The following SP110 variants were observed in gnomAD, a reference collection of about 807,000 sequenced individuals.
SP110 encodes SP110 nuclear body protein, also known as interferon-induced protein 41, 30kD.
In SP110, 62 loss-of-function variants were observed where a neutral mutation model predicts 92.7. The ratio of observed to expected loss-of-function variants is 0.67; its 90% CI spans 0.55 to 0.83. The LOEUF (loss-of-function observed/expected upper bound fraction) is 0.83, where lower values mean the gene tolerates loss of function less well. Ranked by LOEUF, SP110 falls within the 40% of genes least tolerant of loss-of-function variation. SP110 has a pLI of 0.00. For missense variants in SP110, 793 were observed against 863.9 expected, an observed-to-expected ratio of 0.92 and a Z score of 1.03; for synonymous variants, 273 against 305.3, an observed-to-expected ratio of 0.89 and a Z score of 1.10.
chr2:230,166,197 C>G lies in SP110; in HGVS notation c.*2927G>C, dbSNP rs1343233631. Among the ~76,000 whole-genome samples the G allele has an allele frequency of 6.6e-6, 1 of 152,080 alleles. No homozygotes were observed. The highest frequency in any genetic ancestry group is 1.5e-5 in the Non-Finnish European group (1 of 68,016). Reference sequence around the variant, plus strand: ...CTGAGCCACTGCGCCTGGCAGACCACCTATATTACTTTTAACCACAAATGA... The same window carrying G: ...CTGAGCCACTGCGCCTGGCAGACCAGCTATATTACTTTTAACCACAAATGA... On this transcript the variant is annotated 3_prime_UTR_variant, in exon 19 of 19. Coordinates refer to ENST00000258381, the MANE Select transcript of SP110 (RefSeq NM_080424.4).
At chr2:230,222,919 T>C (rs1292349568), upstream of SP110, among the ~76,000 whole-genome samples, 3 of 151,306 alleles carry the variant, frequency 2.0e-5, no homozygotes, top group Admixed American at 2.0e-4. Context: ...CTCATCATCA[T>C]GCTTTTGAGA....
Position 230,169,083 on chromosome 2 carries a change from G to T in SP110, c.*41C>A. The T allele has an allele frequency of 7.5e-7, 1 of 1,333,748 alleles. No individual in the cohort carries two copies. Among genetic ancestry groups the T allele is most frequent in the Non-Finnish European group, 1.1e-6 (1 of 924,714 alleles). 82.6% of individuals were successfully genotyped at this position (1,333,748 alleles called of 1,614,324 possible). On this transcript the variant is annotated 3_prime_UTR_variant, in exon 19 of 19. Transcript: ENST00000258381. ...AGTCCAAGCCAGGGTCCCATCAGCT[G>T]AATCCTGAGGTGGGGATGCTTCAGT...
At chr2:230,222,095 T>C (rs915096093), upstream of SP110, among the ~76,000 whole-genome samples, 3 of 152,142 alleles carry the variant, frequency 2.0e-5, no homozygotes, top group African/African-American at 7.2e-5. Context: ...CTGGGCGTGG[T>C]GGCACATGCC....
At chr2:230,216,652 G>T in intron 2 of SP110, 129 bp downstream of exon 2, 1 of 1,121,914 alleles carries the variant, frequency 8.9e-7, no homozygotes, top group Non-Finnish European at 1.3e-6. Flanking sequence ...CCCACCTTCT[G>T]TGATAATGAA....
chr2:230,203,503 C>G (rs886297559), intron 8 of SP110: 1 of 152,254 alleles, frequency 6.6e-6, no homozygotes, highest in African/African-American at 2.4e-5. Flanking sequence ...GGGGCGGAAG[C>G]GAAAGCCCGG....
intron 7 of SP110, among the ~76,000 whole-genome samples, chr2:230,209,158 A>G (rs1248048018): frequency 6.6e-6 from 1 of 152,240 alleles, no homozygotes; most frequent in Non-Finnish European, 1.5e-5. Flanking sequence ...ACAGGTATCA[A>G]AAAAGGAATT....
intron 9 of SP110, 34 bp from the exon 10 acceptor site, chr2:230,200,999 G>A (rs1372314667): frequency 6.6e-7 from 1 of 1,515,092 alleles, no homozygotes; most frequent in Non-Finnish European, 9.2e-7. Context: ...AATGCCCCTT[G>A]GGAAACACCA....
intron 10 of SP110, among the ~76,000 whole-genome samples, chr2:230,192,167 C>T (rs1467073689): frequency 6.6e-6 from 1 of 152,192 alleles, no homozygotes; most frequent in Non-Finnish European, 1.5e-5. Flanking sequence ...GACAAACCCA[C>T]AGCCAATATC....
At chr2:230,198,475 T>C (rs185931660) in intron 10 of SP110, among the ~76,000 whole-genome samples, 384 of 152,348 alleles carry the variant, frequency 2.5e-3, no homozygotes, top group Non-Finnish European at 3.7e-3. Flanking sequence ...TCTCCCTTTT[T>C]CTTTAGTAAT....
chr2:230,216,823 T>C lies in SP110; in HGVS notation c.105A>G (p.Glu35=). The C allele has an allele frequency of 6.2e-7, 1 of 1,614,112 alleles. No homozygotes were observed. Among genetic ancestry groups the C allele is most frequent in the Non-Finnish European group, 8.5e-7 (1 of 1,179,984 alleles). The change falls in exon 2 of 19, where the codon GAA becomes GAG. Residue 35 remains glutamate, a synonymous_variant. Coordinates refer to ENST00000258381, the MANE Select transcript of SP110 (RefSeq NM_080424.4). ...YAIHKPFPFF[E]GLLDNSIITK... ...TGATGATGGAGTTGTCTAGGAGGCC[T>C]TCAAAGAAGGGAAATGGCTTGTGTA...
intron 10 of SP110, among the ~76,000 whole-genome samples, chr2:230,194,763 A>C (rs1306379062): frequency 6.6e-6 from 1 of 152,216 alleles, no homozygotes; most frequent in Non-Finnish European, 1.5e-5. Context: ...CTCTGACCCT[A>C]GACAGGAAAC....
chr2:230,178,179 T>G lies in SP110; in HGVS notation c.1425A>C (p.Leu475Phe). The G allele has an allele frequency of 1.2e-6, 2 of 1,610,770 alleles. No individual in the cohort carries two copies. The highest frequency in any genetic ancestry group is 1.7e-6 in the Non-Finnish European group (2 of 1,177,038). Residue 475 changes from leucine (L) to phenylalanine (F), a missense_variant, in exon 13 of 19, where the codon TTA (leucine) becomes TTC (phenylalanine). Leu to Phe is a conservative substitution (Grantham distance 22, BLOSUM62 0). Transcript: ENST00000258381. ...PVTCGEAKGI[L>F]YKKKMKHGSS... is the part of the protein sequence containing the mutation. ...CACCGTGTTTCATTTTCTTCTTATA[T>G]AAAATCCCTTTCGCCTCACCACAGG... is the stretch of plus-strand genomic sequence containing the variant.
Position 230,216,862 on chromosome 2 carries a change from C to G in SP110, c.66G>C (p.Gly22=). ...ATGGCTTGTGTATGGCATAGGCGAT[C>G]CCCAGCTTCTGGTGCATGAAGTGCT... The part of the protein sequence containing the change: ...LFQHFMHQKL[G]IAYAIHKPFP... The change falls in exon 2 of 19, where the codon GGG becomes GGC. Residue 22 remains glycine, a synonymous_variant. Transcript: ENST00000258381. The G allele has an allele frequency of 6.2e-7, 1 of 1,613,998 alleles. No homozygotes were observed. Among genetic ancestry groups the G allele is most frequent in the Non-Finnish European group, 8.5e-7 (1 of 1,179,930 alleles).
At chr2:230,180,270 G>C (rs1378003788) in intron 12 of SP110, among the ~76,000 whole-genome samples, 1 of 152,102 alleles carries the variant, frequency 6.6e-6, no homozygotes. Context: ...ATAGCGGCAT[G>C]GTAAAAAACG....
chr2:230,203,096 T>A, intron 8 of SP110: 1 of 317,816 alleles, frequency 3.1e-6, no homozygotes, highest in South Asian at 3.0e-5. Context: ...CCTCTCCAGG[T>A]TCCCCCACGG....
chr2:230,169,739 A>G (rs1232585162), intron 18 of SP110, among the ~76,000 whole-genome samples: 1 of 152,184 alleles, frequency 6.6e-6, no homozygotes, highest in African/African-American at 2.4e-5. Context: ...CTGACAGGCG[A>G]TTTAGACTGA....
intron 1 of SP110, among the ~76,000 whole-genome samples, chr2:230,217,695 A>G (rs1010524208): frequency 1.3e-5 from 2 of 152,218 alleles, no homozygotes; most frequent in Admixed American, 6.5e-5. Context: ...AGAGAGTGGA[A>G]GAGCTGGGAG....
At chr2:230,206,607 A>C (rs2043863688) in intron 8 of SP110, among the ~76,000 whole-genome samples, 2 of 54,616 alleles carry the variant, frequency 3.7e-5, no homozygotes, top group Admixed American at 1.8e-4. Context: ...ATATATATAT[A>C]TATATATATA....
intron 8 of SP110, among the ~76,000 whole-genome samples, chr2:230,206,780 C>T (rs2043909261): frequency 6.6e-6 from 1 of 151,610 alleles, no homozygotes; most frequent in African/African-American, 2.4e-5. Context: ...CTTGCTTTCA[C>T]TTCCCCAGAA....
Sources: allele counts gnomAD v4.1 joint callset (sites outside exome capture counted in the v4.1 genomes callset), GRCh38; gene constraint gnomAD v4.1.1; transcripts MANE v1.5; gene names NCBI Gene and HGNC (gene_info 2026-07-23, HGNC 2026-07-21).